ELP1: variants seen among roughly 807,000 people sequenced by gnomAD.
ELP1 encodes the protein elongator acetyltransferase complex subunit 1.
In ELP1, 131 loss-of-function variants were observed where a neutral mutation model predicts 183.2. The ratio of observed to expected loss-of-function variants is 0.72; its 90% confidence interval spans 0.62 to 0.83. ELP1 has a LOEUF of 0.83. Among genes scored for constraint, ELP1 ranks in the 40% least tolerant of loss-of-function variants. The pLI is 0.00. For synonymous variants in ELP1, 555 were observed against 569.0 expected, an observed-to-expected ratio of 0.98 and a Z score of 0.35; for missense variants, 1,550 against 1,594.9, an observed-to-expected ratio of 0.97 and a Z score of 0.48.
chr9:108,917,609 A>G lies in ELP1; in HGVS notation c.802T>C (p.Phe268Leu), dbSNP rs1300812263. The G allele has an allele frequency of 6.2e-7, 1 of 1,614,150 alleles. No individual in the cohort carries two copies. Among genetic ancestry groups the G allele is most frequent in the East Asian group, 2.2e-5 (1 of 44,884 alleles). ...CCATGAAGGAGTCCATTTTTCTCAAAAAACACAATATCCTGCTGGTTGGGT... is the reference window on the plus strand; with the variant it reads ...CCATGAAGGAGTCCATTTTTCTCAAGAAACACAATATCCTGCTGGTTGGGT... ...DKPNQQDIVF[F>L]EKNGLLHGHF... The change falls in exon 9 of 37, where the codon TTT becomes CTT. Residue 268 changes from phenylalanine (F) to leucine (L), a missense_variant. Coordinates refer to ENST00000374647, the MANE Select transcript of ELP1 (RefSeq NM_003640.5).
chr9:108,878,557 G>A (rs1163378952), intron 34 of ELP1, 66 bp downstream of exon 34: 1 of 1,601,114 alleles, frequency 6.2e-7, no homozygotes, highest in Non-Finnish European at 8.6e-7. Context: ...ACTGAACTCT[G>A]CCTGTCTGTA....
chr9:108,869,106 T>C lies in ELP1; in HGVS notation c.*9A>G. The C allele has an allele frequency of 6.2e-7, 1 of 1,612,646 alleles. No individual in the cohort carries two copies. The highest frequency in any genetic ancestry group is 8.5e-7 in the Non-Finnish European group (1 of 1,178,612). ...TCTTCTCTGTCGGATCCCTCCTAAC[T>C]GCAGTCACTCAGTCTAGCAGGCTCA... On this transcript the variant is annotated 3_prime_UTR_variant, in exon 37 of 37. Transcript: ENST00000374647.
intron 10 of ELP1, among the ~76,000 whole-genome samples, chr9:108,915,446 G>T (rs1354595934): frequency 1.3e-5 from 2 of 152,132 alleles, no homozygotes; most frequent in East Asian, 3.8e-4. Flanking sequence ...CTGAGGCTTC[G>T]CAGAAAAGAA....
intron 3 of ELP1, among the ~76,000 whole-genome samples, chr9:108,927,727 A>T (rs1199098858): frequency 6.6e-6 from 1 of 152,258 alleles, no homozygotes; most frequent in Non-Finnish European, 1.5e-5. Context: ...AGATCCTGTC[A>T]TCTGCAACAA....
At chr9:108,882,283 C>A in intron 29 of ELP1, 96 bp from the exon 30 acceptor site, 7 of 1,015,172 alleles carry the variant, frequency 6.9e-6, no homozygotes, top group South Asian at 6.5e-5. Flanking sequence ...GCCTCTATCT[C>A]CCTGGCCAGG....
At chr9:108,918,442 A>G (rs1829526990) in intron 8 of ELP1, among the ~76,000 whole-genome samples, 1 of 152,158 alleles carries the variant, frequency 6.6e-6, no homozygotes, top group Non-Finnish European at 1.5e-5. Flanking sequence ...CAAAAGCACC[A>G]TTTGCCCCAC....
At chr9:108,894,498 G>C (rs933140522) in intron 25 of ELP1, among the ~76,000 whole-genome samples, 2 of 152,184 alleles carry the variant, frequency 1.3e-5, no homozygotes, top group Admixed American at 6.5e-5. Flanking sequence ...TGAAACTCAC[G>C]TTGTGCAAGG....
chr9:108,902,328 C>G (rs1828837423), intron 16 of ELP1, among the ~76,000 whole-genome samples: 1 of 152,146 alleles, frequency 6.6e-6, no homozygotes, highest in Non-Finnish European at 1.5e-5. Context: ...CCTCAAACAT[C>G]TCAGTATTCT....
chr9:108,890,357 A>T (rs1257167670), intron 28 of ELP1, among the ~76,000 whole-genome samples: 1 of 152,238 alleles, frequency 6.6e-6, no homozygotes, highest in Non-Finnish European at 1.5e-5. Flanking sequence ...CAAATGACAA[A>T]GAAGGACTGG....
intron 36 of ELP1, among the ~76,000 whole-genome samples, chr9:108,874,297 C>G (rs1307326293): frequency 6.6e-6 from 1 of 152,116 alleles, no homozygotes; most frequent in East Asian, 1.9e-4. Context: ...TGTTTCTAAC[C>G]AACTTTCAAA....
At chr9:108,916,127 A>G in intron 10 of ELP1, 77 bp downstream of exon 10, 1 of 1,076,362 alleles carries the variant, frequency 9.3e-7, no homozygotes. Context: ...AGTAGAAGGG[A>G]TGAAGGAAAT....
chr9:108,906,299 A>C lies in ELP1; in HGVS notation c.1643+4T>G. The C allele has an allele frequency of 6.2e-7, 1 of 1,613,866 alleles. No individual in the cohort carries two copies. On this transcript the variant is annotated splice_donor_region_variant and intron_variant, in intron 14 of 36. Transcript: ENST00000374647. ...ATGTGGAGTACAGGGAAAAACTGCA[A>C]TACCTGACATTGAGCTGTCCATGCT...
chr9:108,879,221 G>C (rs1472820557), intron 33 of ELP1, among the ~76,000 whole-genome samples: 6 of 152,144 alleles, frequency 3.9e-5, no homozygotes, highest in African/African-American at 1.2e-4. Flanking sequence ...TGCCTCGTGG[G>C]GAATGGGAAA....
intron 36 of ELP1, among the ~76,000 whole-genome samples, chr9:108,874,272 A>G (rs145079061): frequency 6.7e-6 from 1 of 149,502 alleles, no homozygotes; most frequent in African/African-American, 2.5e-5. Flanking sequence ...GAAAGTCCCA[A>G]GCTGACTCAT....
At chr9:108,918,737 T>A in intron 8 of ELP1, 74 bp downstream of exon 8, 1 of 973,216 alleles carries the variant, frequency 1.0e-6, no homozygotes, top group Non-Finnish European at 1.7e-6. Flanking sequence ...AACATCTGTA[T>A]CATCTGTATC....
At chr9:108,871,356 G>C (rs573253298) in intron 36 of ELP1, among the ~76,000 whole-genome samples, 21 of 152,070 alleles carry the variant, frequency 1.4e-4, no homozygotes, top group Non-Finnish European at 1.3e-4. Context: ...GGGTGGCCTC[G>C]GGCATTCTCC....
chr9:108,895,743 A>G (rs1024039203), intron 25 of ELP1, among the ~76,000 whole-genome samples: 3 of 152,204 alleles, frequency 2.0e-5, no homozygotes, highest in African/African-American at 4.8e-5. Flanking sequence ...AAAAAAATAA[A>G]TAAAAAATAT....
At position 108,889,395 on chromosome 9, in the gene ELP1, T is replaced by C. The variant is rs749548287; in HGVS notation, c.3161-2A>G. ...GCTTCCTCTGCTCAACCAGCTTTCC[T>C]GTAGAGACAATAAGCAGCAGTTGAC... On this transcript the variant is annotated splice_acceptor_variant, in intron 28 of 36. Coordinates refer to ENST00000374647, the MANE Select transcript of ELP1 (RefSeq NM_003640.5). LOFTEE classifies it high-confidence loss of function. The C allele has an allele frequency of 2.5e-6, 4 of 1,613,942 alleles. No individual in the cohort carries two copies. Among genetic ancestry groups the C allele is most frequent in the Non-Finnish European group, 3.4e-6 (4 of 1,179,904 alleles).
chr9:108,883,348 G>A (rs1828002149), intron 29 of ELP1, among the ~76,000 whole-genome samples: 1 of 152,166 alleles, frequency 6.6e-6, no homozygotes, highest in South Asian at 2.1e-4. Flanking sequence ...TTTATTTTTT[G>A]TAGAAACAAG....
Sources: allele counts gnomAD v4.1 joint callset (sites outside exome capture counted in the v4.1 genomes callset), GRCh38; gene constraint gnomAD v4.1.1; transcripts MANE v1.5; gene names NCBI Gene and HGNC (gene_info 2026-07-23, HGNC 2026-07-21).